Variants in SLC9D1 observed in about 807,000 individuals in gnomAD.
SLC9D1 encodes the protein solute carrier family 9 member D1, also known as putative LAG1-interacting protein.
At chr13:113,532,352 G>A in the SLC9D1 span, among the ~76,000 whole-genome samples, 1 of 152,184 alleles carries the variant, frequency 6.6e-6, no homozygotes, top group African/African-American at 2.4e-5. Context: ...TTTGAGGAAT[G>A]CAGCTAAGCC....
chr13:113,523,770 C>T, the SLC9D1 span, among the ~76,000 whole-genome samples: 1 of 152,014 alleles, frequency 6.6e-6, no homozygotes, highest in Non-Finnish European at 1.5e-5. Flanking sequence ...TGTAAATTTC[C>T]CTCTCAGCAC....
At chr13:113,525,899 G>A in the SLC9D1 span, among the ~76,000 whole-genome samples, 1 of 152,010 alleles carries the variant, frequency 6.6e-6, no homozygotes, top group East Asian at 1.9e-4. Context: ...GGTTATTCTA[G>A]AACAAGCCGT....
At chr13:113,536,323 A>G in the SLC9D1 span, among the ~76,000 whole-genome samples, 1 of 150,626 alleles carries the variant, frequency 6.6e-6, no homozygotes, top group Non-Finnish European at 1.5e-5. Flanking sequence ...GGCAGAGTTG[A>G]TAGAGCAAGA....
chr13:113,514,899 G>A, the SLC9D1 span, among the ~76,000 whole-genome samples: 13 of 152,164 alleles, frequency 8.5e-5, no homozygotes, highest in African/African-American at 2.9e-4. Context: ...TAGTCTTTTT[G>A]TAGAGATGGA....
the SLC9D1 span, among the ~76,000 whole-genome samples, chr13:113,536,783 C>T: frequency 3.9e-5 from 6 of 152,212 alleles, no homozygotes; most frequent in East Asian, 5.8e-4. Context: ...TGCCCATTCT[C>T]GTGTTTCTGG....
At chr13:113,518,621 TCTCGCAGC>T in the SLC9D1 span, among the ~76,000 whole-genome samples, 1 of 152,160 alleles carries the variant, frequency 6.6e-6, no homozygotes, top group African/African-American at 2.4e-5. Context: ...CACAGACTCA[TCTCGCAGC>T]CTCCCTCCCG....
At chr13:113,548,387 C>G in the SLC9D1 span, 5 of 1,613,502 alleles carry the variant, frequency 3.1e-6, no homozygotes, top group Non-Finnish European at 4.2e-6. Context: ...GGGGCTTGCC[C>G]AGGTCAGCGA....
the SLC9D1 span, chr13:113,539,432 G>C: frequency 6.2e-7 from 1 of 1,613,616 alleles, no homozygotes; most frequent in Non-Finnish European, 8.5e-7. The surrounding 1 kb of genome is among the most constrained non-coding windows in gnomAD (Gnocchi z 4.8). Context: ...TCAGGGCCCC[G>C]TGGTCACCGA....
At chr13:113,509,459 G>T in the SLC9D1 span, among the ~76,000 whole-genome samples, 1 of 148,610 alleles carries the variant, frequency 6.7e-6, no homozygotes, top group Non-Finnish European at 1.5e-5. Context: ...CCTATGTTGG[G>T]ACTGGCAGGC....
the SLC9D1 span, among the ~76,000 whole-genome samples, chr13:113,515,090 G>A: frequency 2.0e-5 from 3 of 152,196 alleles, no homozygotes; most frequent in Non-Finnish European, 4.4e-5. Context: ...TTCTCCATGG[G>A]AATGTAAATT....
the SLC9D1 span, chr13:113,514,180 C>T: frequency 6.6e-6 from 1 of 152,140 alleles, no homozygotes; most frequent in African/African-American, 2.4e-5. Context: ...TTGTAACCTT[C>T]TTTTTCATAC....
chr13:113,501,791 T>C, the SLC9D1 span: 7 of 1,610,786 alleles, frequency 4.3e-6, no homozygotes, highest in Non-Finnish European at 2.5e-6. Flanking sequence ...GCCTTGTGGC[T>C]GGCTATGTAC....
the SLC9D1 span, chr13:113,548,420 C>T: frequency 6.2e-6 from 10 of 1,611,394 alleles, no homozygotes; most frequent in Admixed American, 5.0e-5. Flanking sequence ...CCTGGGGAGC[C>T]GGGCGCGAAG....
At chr13:113,520,549 G>T in the SLC9D1 span, 1 of 1,074,194 alleles carries the variant, frequency 9.3e-7, no homozygotes, top group South Asian at 1.4e-5. Context: ...GTGTACAATG[G>T]CAATATTTTG....
At chr13:113,518,604 T>C in the SLC9D1 span, among the ~76,000 whole-genome samples, 2 of 152,194 alleles carry the variant, frequency 1.3e-5, no homozygotes, top group Admixed American at 6.5e-5. Context: ...GTGGCTCCTT[T>C]GCATCCCACA....
At chr13:113,516,127 T>C in the SLC9D1 span, among the ~76,000 whole-genome samples, 1 of 152,208 alleles carries the variant, frequency 6.6e-6, no homozygotes, top group African/African-American at 2.4e-5. Context: ...AGAGGATGAC[T>C]GGGGTTTCCC....
At chr13:113,496,879 G>A in the SLC9D1 span, among the ~76,000 whole-genome samples, 170 of 152,318 alleles carry the variant, frequency 1.1e-3, 2 homozygotes, top group African/African-American at 3.9e-3. Context: ...GAGACGTGAA[G>A]ATACATTGGT....
chr13:113,538,955 G>C, the SLC9D1 span, among the ~76,000 whole-genome samples: 3 of 152,226 alleles, frequency 2.0e-5, no homozygotes, highest in Admixed American at 6.5e-5. Flanking sequence ...GTTGCTTGTC[G>C]TCCTGTCGCT....
chr13:113,519,434 A>T, the SLC9D1 span, among the ~76,000 whole-genome samples: 1 of 151,522 alleles, frequency 6.6e-6, no homozygotes, highest in Non-Finnish European at 1.5e-5. Context: ...ATATTTACAG[A>T]GTTCATAGCT....
Sources: gnomAD v4.1 joint callset for allele counts (sites outside exome capture counted in the v4.1 genomes callset) on GRCh38, gnomAD v4.1.1 for gene constraint, Gnocchi (gnomAD v3.1) non-coding constraint, MANE v1.5 for transcripts, NCBI Gene and HGNC (gene_info 2026-07-23, HGNC 2026-07-21) for gene names.